Variants in SLC24A3 observed in about 807,000 individuals in gnomAD.
SLC24A3 encodes the protein solute carrier family 24 member 3, also known as sodium/potassium/calcium exchanger 3.
In SLC24A3, 28 loss-of-function variants were observed where a neutral mutation model predicts 75.8. The ratio of observed to expected loss-of-function variants is 0.37; its 90% CI spans 0.27 to 0.51. The LOEUF is 0.51. Ranked by LOEUF, SLC24A3 falls within the 20% of genes least tolerant of loss-of-function variation. The probability of loss-of-function intolerance (pLI) is 0.94; values close to 1 mark genes in which losing one functional copy is unlikely to be tolerated. For synonymous variants in SLC24A3, 372 were observed against 334.1 expected, an observed-to-expected ratio of 1.11 and a Z score of -1.24; for missense variants, 663 against 847.8, an observed-to-expected ratio of 0.78 and a Z score of 2.71.
chr20:19,291,801 T>A (rs988326873), intron 2 of SLC24A3, among the ~76,000 whole-genome samples: 3 of 152,100 alleles, frequency 2.0e-5, no homozygotes, highest in Non-Finnish European at 4.4e-5. Flanking sequence ...TCCACGTTAT[T>A]GGGATCAGGG....
chr20:19,323,199 C>A (rs1984754932), intron 2 of SLC24A3, among the ~76,000 whole-genome samples: 1 of 134,390 alleles, frequency 7.4e-6, no homozygotes, highest in Non-Finnish European at 1.5e-5. Flanking sequence ...GAGCGAGACT[C>A]CGTCTCAAAA....
intron 2 of SLC24A3, among the ~76,000 whole-genome samples, chr20:19,372,763 A>G (rs1278698199): frequency 6.6e-6 from 1 of 151,956 alleles, no homozygotes; most frequent in African/African-American, 2.4e-5. Context: ...AAAAACAGAA[A>G]ACACAGGAAA....
chr20:19,684,089 GAAA>G, intron 10 of SLC24A3, 84 bp from the exon 11 acceptor site: 2 of 1,456,132 alleles, frequency 1.4e-6, no homozygotes, highest in Non-Finnish European at 1.9e-6. Flanking sequence ...GGGAGGAAGA[GAAA>G]AGAAGGGAAG....
chr20:19,513,948 C>T (rs564544366), intron 2 of SLC24A3, among the ~76,000 whole-genome samples: 5 of 152,242 alleles, frequency 3.3e-5, no homozygotes, highest in South Asian at 2.1e-4. Context: ...CCATCCTCTT[C>T]GCAAGTTTCA....
chr20:19,672,480 G>A (rs1295149720), intron 8 of SLC24A3, among the ~76,000 whole-genome samples: 2 of 152,080 alleles, frequency 1.3e-5, no homozygotes, highest in African/African-American at 2.4e-5. Context: ...AGACTCCAGG[G>A]GCACACCACC....
At chr20:19,688,872 A>G (rs1371241814) in intron 12 of SLC24A3, among the ~76,000 whole-genome samples, 1 of 141,842 alleles carries the variant, frequency 7.1e-6, no homozygotes, top group Non-Finnish European at 1.5e-5. Flanking sequence ...GCACATGTAT[A>G]CTGTGTACAC....
intron 2 of SLC24A3, among the ~76,000 whole-genome samples, chr20:19,483,696 G>A (rs900431031): frequency 6.6e-6 from 1 of 152,180 alleles, no homozygotes; most frequent in African/African-American, 2.4e-5. Flanking sequence ...GGGTCCTGAG[G>A]TCTAAGCCTG....
chr20:19,333,445 G>C (rs891577460), intron 2 of SLC24A3, among the ~76,000 whole-genome samples: 1 of 152,166 alleles, frequency 6.6e-6, no homozygotes, highest in East Asian at 1.9e-4. Flanking sequence ...GACAGATTTG[G>C]CCTGTTGCAA....
At chr20:19,593,037 C>A (rs903496523) in intron 6 of SLC24A3, among the ~76,000 whole-genome samples, 16 of 152,092 alleles carry the variant, frequency 1.1e-4, no homozygotes, top group Non-Finnish European at 2.1e-4. Context: ...CTCAGATGAT[C>A]CGCCTGCCTC....
At chr20:19,678,762 C>T (rs1169898410) in intron 9 of SLC24A3, among the ~76,000 whole-genome samples, 8 of 148,820 alleles carry the variant, frequency 5.4e-5, no homozygotes, top group African/African-American at 1.0e-4. Flanking sequence ...GGCTGCCGGG[C>T]GGAGGGGCTC....
chr20:19,536,416 GA>G (rs2030397576), intron 3 of SLC24A3, among the ~76,000 whole-genome samples: 1 of 152,102 alleles, frequency 6.6e-6, no homozygotes, highest in Non-Finnish European at 1.5e-5. Flanking sequence ...GTCTGGGTTG[GA>G]TGCTGCTAAA....
chr20:19,416,805 A>G (rs1041840621), intron 2 of SLC24A3, among the ~76,000 whole-genome samples: 1 of 152,142 alleles, frequency 6.6e-6, no homozygotes, highest in African/African-American at 2.4e-5. Flanking sequence ...GCTCTGTGCT[A>G]AGTACTTGAG....
At chr20:19,394,441 T>C (rs1005046464) in intron 2 of SLC24A3, among the ~76,000 whole-genome samples, 1 of 152,064 alleles carries the variant, frequency 6.6e-6, no homozygotes, top group African/African-American at 2.4e-5. Context: ...TGGGAGAAAA[T>C]ACTTGCAAAT....
chr20:19,548,878 A>T (rs939186281), intron 3 of SLC24A3, among the ~76,000 whole-genome samples: 11 of 152,244 alleles, frequency 7.2e-5, no homozygotes, highest in Admixed American at 1.3e-4. Flanking sequence ...GCCTAAATGC[A>T]TCATGGAATG....
chr20:19,703,002 T>C (rs1405551031), intron 15 of SLC24A3, among the ~76,000 whole-genome samples: 6 of 152,204 alleles, frequency 3.9e-5, no homozygotes, highest in African/African-American at 1.4e-4. Flanking sequence ...AAGTTTATCT[T>C]GAGTCAAGAC....
chr20:19,645,966 G>C (rs1376867954), intron 6 of SLC24A3, among the ~76,000 whole-genome samples: 1 of 152,074 alleles, frequency 6.6e-6, no homozygotes, highest in East Asian at 1.9e-4. Flanking sequence ...GAGATGGGAG[G>C]ATCACCTGAG....
At position 19,684,320 on chromosome 20, in the gene SLC24A3, G is replaced by A. The variant is rs968691773; in HGVS notation, c.1046G>A (p.Arg349His). 9 of 1,613,586 alleles carry A rather than the reference G, an allele frequency of 5.6e-6. No homozygotes were observed. Among genetic ancestry groups the A allele is most frequent in the Non-Finnish European group, 7.6e-6 (9 of 1,179,780 alleles). ...AAGACCCGGCTCTCCATGGCCAGTC[G>A]CATGTTGATCAATGAGGTACCTGGG... The part of the protein sequence containing the change: ...PPKTRLSMAS[R>H]MLINERQRLI... Residue 349 changes from arginine to histidine, a missense_variant, in exon 11 of 17, where the codon CGC becomes CAC. Arg to His is a conservative substitution (Grantham distance 29). Coordinates refer to ENST00000328041, the MANE Select transcript of SLC24A3 (RefSeq NM_020689.4).
At chr20:19,258,721 A>G (rs1225392835) in intron 1 of SLC24A3, among the ~76,000 whole-genome samples, 1 of 152,142 alleles carries the variant, frequency 6.6e-6, no homozygotes, top group East Asian at 1.9e-4. Flanking sequence ...GAAAGAAACT[A>G]TAATGATGAG....
intron 3 of SLC24A3, among the ~76,000 whole-genome samples, chr20:19,564,246 C>T (rs1258989196): frequency 1.3e-5 from 2 of 152,134 alleles, no homozygotes; most frequent in African/African-American, 4.8e-5. Context: ...ATCTGATGAA[C>T]CAGTAGAGGT....
Sources: gnomAD v4.1 joint callset for allele counts (sites outside exome capture counted in the v4.1 genomes callset) on GRCh38, gnomAD v4.1.1 for gene constraint, MANE v1.5 for transcripts, NCBI Gene and HGNC (gene_info 2026-07-23, HGNC 2026-07-21) for gene names.